The following CDH13 variants were observed in gnomAD, a reference collection of about 807,000 sequenced individuals.
CDH13 encodes the protein cadherin-13.
CDH13 carries 24 observed loss-of-function variants against 63.8 expected under a neutral mutation model. The ratio of observed to expected loss-of-function variants is 0.38; its 90% confidence interval spans 0.27 to 0.53. The LOEUF is 0.53. Ranked by LOEUF, CDH13 falls within the 20% of genes least tolerant of loss-of-function variation. CDH13 has a pLI of 0.85. For synonymous variants in CDH13, 503 were observed against 355.3 expected, an observed-to-expected ratio of 1.42 and a Z score of -4.67; for missense variants, 1,049 against 903.1, an observed-to-expected ratio of 1.16 and a Z score of -2.07.
intron 5 of CDH13, among the ~76,000 whole-genome samples, chr16:83,328,722 T>A (rs757568920): frequency 1.3e-5 from 2 of 152,098 alleles, no homozygotes; most frequent in Admixed American, 6.5e-5. Flanking sequence ...ATAAGGAGCA[T>A]TGGGCACCCT....
chr16:83,268,733 G>A (rs1197266131), intron 5 of CDH13, among the ~76,000 whole-genome samples: 2 of 152,172 alleles, frequency 1.3e-5, no homozygotes, highest in Non-Finnish European at 2.9e-5. Flanking sequence ...TGTGATTGAT[G>A]TTGAGAAATA....
intron 7 of CDH13, among the ~76,000 whole-genome samples, chr16:83,579,779 T>C (rs1247844016): frequency 2.0e-5 from 3 of 151,984 alleles, no homozygotes; most frequent in Non-Finnish European, 2.9e-5. Flanking sequence ...AAATGTGCCA[T>C]TGTGATAAGT....
chr16:83,031,364 A>G (rs1916316773), intron 2 of CDH13, among the ~76,000 whole-genome samples: 1 of 113,598 alleles, frequency 8.8e-6, no homozygotes, highest in South Asian at 3.4e-4. Context: ...ATATACATGT[A>G]CATGTATATG....
chr16:82,929,690 A>G (rs71402041), intron 2 of CDH13, among the ~76,000 whole-genome samples: 1 of 140,264 alleles, frequency 7.1e-6, no homozygotes, highest in South Asian at 2.3e-4. Flanking sequence ...AAAAGAAGAC[A>G]GCCGTTGATG....
intron 6 of CDH13, among the ~76,000 whole-genome samples, chr16:83,428,654 G>A (rs1401204779): frequency 6.6e-6 from 1 of 152,176 alleles, no homozygotes; most frequent in Non-Finnish European, 1.5e-5. Flanking sequence ...TGAGAAATAA[G>A]TAGATATACT....
chr16:83,230,166 C>T (rs1204263273), intron 5 of CDH13, among the ~76,000 whole-genome samples: 1 of 152,124 alleles, frequency 6.6e-6, no homozygotes, highest in Non-Finnish European at 1.5e-5. Flanking sequence ...ATTTTCTATT[C>T]CTTTCGAGTT....
At chr16:82,725,708 C>T (rs760044447) in intron 1 of CDH13, among the ~76,000 whole-genome samples, 3 of 152,038 alleles carry the variant, frequency 2.0e-5, no homozygotes, top group African/African-American at 4.8e-5. Flanking sequence ...TGCAGTGCCC[C>T]GAATGCTGAC....
At chr16:83,071,718 G>A (rs1305387832) in intron 3 of CDH13, among the ~76,000 whole-genome samples, 2 of 152,138 alleles carry the variant, frequency 1.3e-5, no homozygotes, top group Non-Finnish European at 2.9e-5. Context: ...ACTATGTGGA[G>A]AAAATTTAAC....
At chr16:83,394,730 G>A (rs989958928) in intron 6 of CDH13, among the ~76,000 whole-genome samples, 3 of 152,202 alleles carry the variant, frequency 2.0e-5, no homozygotes, top group Non-Finnish European at 2.9e-5. Flanking sequence ...GGGTGGGACA[G>A]TTACATAGGT....
intron 5 of CDH13, among the ~76,000 whole-genome samples, chr16:83,247,685 A>G (rs1905105482): frequency 1.3e-5 from 2 of 152,156 alleles, no homozygotes; most frequent in Admixed American, 1.3e-4. Flanking sequence ...CACTGTTTTA[A>G]TGTTAATCAT....
intron 10 of CDH13, among the ~76,000 whole-genome samples, chr16:83,743,239 G>T (rs988731179): frequency 6.6e-6 from 1 of 152,082 alleles, no homozygotes; most frequent in East Asian, 1.9e-4. Context: ...AAACAGAGGG[G>T]AGCAGAAAGA....
At chr16:83,080,684 C>T (rs1329871848) in intron 3 of CDH13, among the ~76,000 whole-genome samples, 2 of 152,042 alleles carry the variant, frequency 1.3e-5, no homozygotes, top group Non-Finnish European at 2.9e-5. Flanking sequence ...TTGTGTCTTA[C>T]AGTCTTGATC....
At chr16:83,132,509 G>A (rs1248988440) in intron 4 of CDH13, among the ~76,000 whole-genome samples, 8 of 128,370 alleles carry the variant, frequency 6.2e-5, no homozygotes, top group Admixed American at 1.0e-4. Context: ...GTGCATTGGT[G>A]CAATCTCTGC....
chr16:83,242,165 C>G (rs77052323), intron 5 of CDH13, among the ~76,000 whole-genome samples: 1 of 152,134 alleles, frequency 6.6e-6, no homozygotes, highest in Non-Finnish European at 1.5e-5. Context: ...TCTAGGTTCT[C>G]TATTCTGTTT....
rs930759605 is a variant in CDH13, at chr16:83,664,384, C to G, written c.1102-6406C>G. ...AAGCAACCACAGGTCCCTTGAGTGG[C>G]TCTGTTATTAATCTGTTCTGAGACA... On this transcript the variant is annotated intron_variant, in intron 8 of 13. Transcript: ENST00000567109. Among the ~76,000 whole-genome samples, 3 of 152,226 alleles carry G rather than the reference C, an allele frequency of 2.0e-5. No individual in the cohort carries two copies. The South Asian group carries it at 6.2e-4, about 32-fold the overall frequency.
intron 10 of CDH13, among the ~76,000 whole-genome samples, chr16:83,731,129 G>C (rs62047465): frequency 6.6e-6 from 1 of 152,188 alleles, no homozygotes; most frequent in African/African-American, 2.4e-5. Flanking sequence ...AAACATACAA[G>C]TGCATGTGTC....
intron 5 of CDH13, among the ~76,000 whole-genome samples, chr16:83,321,064 A>T (rs930955818): frequency 6.6e-6 from 1 of 152,262 alleles, no homozygotes; most frequent in African/African-American, 2.4e-5. Context: ...CATTTCATAG[A>T]GTTCATTGAT....
At chr16:83,382,235 A>G (rs531206541) in intron 6 of CDH13, among the ~76,000 whole-genome samples, 39 of 152,356 alleles carry the variant, frequency 2.6e-4, no homozygotes, top group African/African-American at 7.2e-4. Context: ...TGCCTGGCAC[A>G]TAATGAAGAC....
At chr16:82,946,063 G>C (rs1206499178) in intron 2 of CDH13, among the ~76,000 whole-genome samples, 1 of 151,970 alleles carries the variant, frequency 6.6e-6, no homozygotes, top group Non-Finnish European at 1.5e-5. Context: ...TCTTTCCCCT[G>C]ATCAACTGAG....
Sources: gnomAD v4.1 joint callset for allele counts (sites outside exome capture counted in the v4.1 genomes callset) on GRCh38, gnomAD v4.1.1 for gene constraint, MANE v1.5 for transcripts, NCBI Gene and HGNC (gene_info 2026-07-23, HGNC 2026-07-21) for gene names.